RIMS1: variants seen among roughly 807,000 people sequenced by gnomAD.
The protein encoded by RIMS1 is regulating synaptic membrane exocytosis 1, also known as regulating synaptic membrane exocytosis protein 1.
In RIMS1, 83 loss-of-function variants were observed where a neutral mutation model predicts 214.1. The ratio of observed to expected loss-of-function variants is 0.39; its 90% confidence interval spans 0.32 to 0.47. The LOEUF (loss-of-function observed/expected upper bound fraction) is 0.47, where lower values mean the gene tolerates loss of function less well. RIMS1 is among the 20% of genes least tolerant of loss of function. The pLI is 0.99. For synonymous variants in RIMS1, 793 were observed against 786.8 expected, an observed-to-expected ratio of 1.01 and a Z score of -0.13; for missense variants, 2,050 against 2,161.8, an observed-to-expected ratio of 0.95 and a Z score of 1.03.
At chr6:72,002,305 C>CA (rs779478212) in intron 2 of RIMS1, among the ~76,000 whole-genome samples, 11,680 of 127,140 alleles carry the variant, frequency 0.092, 523 homozygotes, top group Middle Eastern at 0.14. Flanking sequence ...ATGTTATTAG[C>CA]AAAAAAAAAA....
At chr6:72,230,169 A>G (rs187188876) in intron 6 of RIMS1, among the ~76,000 whole-genome samples, 2 of 151,834 alleles carry the variant, frequency 1.3e-5, no homozygotes, top group Admixed American at 1.3e-4. Flanking sequence ...AGAAAGAACA[A>G]TCTCTTTTTG....
chr6:72,250,838 T>C, intron 13 of RIMS1, 83 bp from the exon 14 acceptor site: 1 of 697,498 alleles, frequency 1.4e-6, no homozygotes, highest in South Asian at 2.4e-5. Context: ...ATAATATAAA[T>C]ATCAATGGCA....
chr6:72,307,020 A>G (rs994613789), intron 26 of RIMS1, among the ~76,000 whole-genome samples: 2 of 152,248 alleles, frequency 1.3e-5, no homozygotes, highest in African/African-American at 4.8e-5. Context: ...CAAGAAATAG[A>G]GTATATTTTG....
At chr6:72,386,566 T>C (rs1345151948) in intron 29 of RIMS1, among the ~76,000 whole-genome samples, 1 of 152,086 alleles carries the variant, frequency 6.6e-6, no homozygotes, top group Non-Finnish European at 1.5e-5. Context: ...ACTGCTTCCC[T>C]CTTTCCTCAT....
chr6:72,124,218 T>C (rs1016782023), intron 4 of RIMS1, among the ~76,000 whole-genome samples: 8 of 151,904 alleles, frequency 5.3e-5, no homozygotes, highest in Non-Finnish European at 1.2e-4. Context: ...ATTTTATTTC[T>C]CCTTCATTTA....
At chr6:71,904,001 T>A (rs1376004710) in intron 1 of RIMS1, among the ~76,000 whole-genome samples, 1 of 152,168 alleles carries the variant, frequency 6.6e-6, no homozygotes, top group Non-Finnish European at 1.5e-5. Context: ...CTTTTTCACA[T>A]GTATCTTTCA....
chr6:72,291,577 C>T (rs1158282351), intron 25 of RIMS1, among the ~76,000 whole-genome samples: 3 of 152,066 alleles, frequency 2.0e-5, no homozygotes, highest in African/African-American at 7.2e-5. Context: ...CTCATTTATC[C>T]ATATTGTTAA....
chr6:72,035,802 C>A (rs989653397), intron 2 of RIMS1, among the ~76,000 whole-genome samples: 1 of 151,928 alleles, frequency 6.6e-6, no homozygotes, highest in African/African-American at 2.4e-5. Flanking sequence ...GATATGTTTC[C>A]AAATTTAGTG....
chr6:72,127,438 C>T (rs546564365), intron 4 of RIMS1, among the ~76,000 whole-genome samples: 7 of 152,066 alleles, frequency 4.6e-5, no homozygotes, highest in Non-Finnish European at 7.3e-5. Flanking sequence ...AATTGATTTT[C>T]ATTAACTTAA....
chr6:72,231,780 T>C (rs1471303319), intron 6 of RIMS1, among the ~76,000 whole-genome samples: 2 of 151,726 alleles, frequency 1.3e-5, no homozygotes, highest in Non-Finnish European at 3.0e-5. Context: ...CTTTTGGTCC[T>C]TTGCCTATAA....
At chr6:72,222,099 A>G (rs576483254) in intron 6 of RIMS1, among the ~76,000 whole-genome samples, 8 of 152,058 alleles carry the variant, frequency 5.3e-5, no homozygotes. Context: ...ACTTTTTAAC[A>G]TTACTGAAAT....
At chr6:72,206,033 C>G (rs1166779126) in intron 6 of RIMS1, among the ~76,000 whole-genome samples, 8 of 152,068 alleles carry the variant, frequency 5.3e-5, no homozygotes, top group Non-Finnish European at 1.2e-4. Flanking sequence ...AATGAATATA[C>G]TTATATTTTT....
intron 2 of RIMS1, among the ~76,000 whole-genome samples, chr6:71,994,478 G>C (rs1802795814): frequency 6.6e-6 from 1 of 152,118 alleles, no homozygotes; most frequent in Non-Finnish European, 1.5e-5. Flanking sequence ...CATGGTATTG[G>C]TATAAGGCAT....
At chr6:72,020,641 G>A (rs1217994785) in intron 2 of RIMS1, among the ~76,000 whole-genome samples, 2 of 152,180 alleles carry the variant, frequency 1.3e-5, no homozygotes, top group Admixed American at 1.3e-4. Flanking sequence ...GATGGTTTGT[G>A]GCTGGAGAAG....
In RIMS1 at chr6:72,400,895, G is replaced by A. The variant is rs2098831289; in HGVS notation, c.*181G>A. The A allele has an allele frequency of 1.8e-6, 1 of 560,656 alleles. No individual in the cohort carries two copies. Among genetic ancestry groups the A allele is most frequent in the South Asian group, 2.6e-5 (1 of 37,762 alleles). 34.7% of individuals were successfully genotyped at this position (560,656 alleles called of 1,614,324 possible). A position where few individuals can be genotyped will look rare whatever the true frequency, so the allele number is the denominator to read the frequency against. Reference sequence around the variant, plus strand: ...AACATGGCTTCATATGACAGAACAAGGCAATCTATCAAATTTACAGGAAGA... The same window carrying A: ...AACATGGCTTCATATGACAGAACAAAGCAATCTATCAAATTTACAGGAAGA... On this transcript the variant is annotated 3_prime_UTR_variant, in exon 34 of 34. Coordinates refer to ENST00000521978, the MANE Select transcript of RIMS1 (RefSeq NM_014989.7).
chr6:72,196,377 G>GTCTGTCTGTCTATCTATCTATCTA (rs1554269277), intron 6 of RIMS1, among the ~76,000 whole-genome samples: 2 of 143,984 alleles, frequency 1.4e-5, no homozygotes, highest in African/African-American at 2.7e-5. Flanking sequence ...CTGTCTGTCT[G>GTCTGTCTGTCTATCTATCTATCTA]TCTATCTATC....
chr6:72,236,660 T>C (rs965500245), intron 8 of RIMS1, among the ~76,000 whole-genome samples: 1 of 152,144 alleles, frequency 6.6e-6, no homozygotes, highest in East Asian at 1.9e-4. Context: ...GGTGCCCTTT[T>C]ATTGTTAGGT....
At chr6:71,990,671 TGAG>T (rs1237872926) in intron 2 of RIMS1, among the ~76,000 whole-genome samples, 1 of 151,294 alleles carries the variant, frequency 6.6e-6, no homozygotes, top group Non-Finnish European at 1.5e-5. Flanking sequence ...GGCTGAAAAG[TGAG>T]GAGAAGCAGT....
chr6:72,171,463 C>T (rs978962548), intron 4 of RIMS1, among the ~76,000 whole-genome samples: 2 of 151,830 alleles, frequency 1.3e-5, no homozygotes, highest in African/African-American at 4.8e-5. Context: ...ATAGCCCCCC[C>T]GAACCTTTCT....
Sources: gnomAD v4.1 joint callset for allele counts (sites outside exome capture counted in the v4.1 genomes callset) on GRCh38, gnomAD v4.1.1 for gene constraint, MANE v1.5 for transcripts, NCBI Gene and HGNC (gene_info 2026-07-23, HGNC 2026-07-21) for gene names.